The following NR1H4 variants were observed in gnomAD, a reference collection of about 807,000 sequenced individuals.
The protein encoded by NR1H4 is nuclear receptor subfamily 1 group H member 4, also known as bile acid receptor.
In NR1H4, 23 loss-of-function variants were observed where a neutral mutation model predicts 58.5. The observed-to-expected ratio is 0.39, with a 90% CI of 0.28 to 0.56. NR1H4 has a LOEUF of 0.56. Among genes scored for constraint, NR1H4 ranks in the 20% least tolerant of loss-of-function variants. NR1H4 has a pLI of 0.58. For missense variants in NR1H4, 487 were observed against 576.9 expected (o/e 0.84, Z 1.60); for synonymous variants, 214 against 198.0 (o/e 1.08, Z -0.68).
At chr12:100,509,560 CT>C (rs1331181342) in intron 3 of NR1H4, among the ~76,000 whole-genome samples, 9 of 152,114 alleles carry the variant, frequency 5.9e-5, no homozygotes, top group African/African-American at 2.2e-4. Flanking sequence ...TCATATAATC[CT>C]TACATCAACC....
At chr12:100,487,619 C>T (rs1405783985) in intron 1 of NR1H4, among the ~76,000 whole-genome samples, 7 of 118,026 alleles carry the variant, frequency 5.9e-5, no homozygotes, top group African/African-American at 1.8e-4. Context: ...TTTTTTGAGA[C>T]GAGTCTCACT....
At chr12:100,563,189 T>C in intron 10 of NR1H4, 62 bp from the exon 11 acceptor site, 2 of 1,257,358 alleles carry the variant, frequency 1.6e-6, no homozygotes, top group Non-Finnish European at 2.3e-6. Flanking sequence ...TTGCTATAAT[T>C]ATGCTGAATT....
chr12:100,558,398 A>C (rs548581734), intron 9 of NR1H4, among the ~76,000 whole-genome samples: 91 of 149,756 alleles, frequency 6.1e-4, no homozygotes, highest in African/African-American at 2.1e-3. Context: ...TCACTTTGTC[A>C]CACAGACTGG....
chr12:100,517,879 T>A (rs548049950), intron 4 of NR1H4, among the ~76,000 whole-genome samples: 1 of 152,318 alleles, frequency 6.6e-6, no homozygotes, highest in African/African-American at 2.4e-5. Flanking sequence ...AAACTATAGC[T>A]TATAATCTAA....
chr12:100,548,560 T>C (rs1955134247), intron 9 of NR1H4, among the ~76,000 whole-genome samples: 1 of 152,120 alleles, frequency 6.6e-6, no homozygotes, highest in African/African-American at 2.4e-5. Flanking sequence ...TAGCTTCGAA[T>C]CTTATCATTT....
chr12:100,506,132 G>T (rs1392433754), intron 3 of NR1H4, among the ~76,000 whole-genome samples: 5 of 151,970 alleles, frequency 3.3e-5, no homozygotes, highest in Non-Finnish European at 7.4e-5. Context: ...AAGACAGACT[G>T]TGTTAATAAT....
At chr12:100,545,039 G>A (rs1438990001) in intron 9 of NR1H4, among the ~76,000 whole-genome samples, 1 of 152,108 alleles carries the variant, frequency 6.6e-6, no homozygotes, top group East Asian at 1.9e-4. Flanking sequence ...GAAATGTTTT[G>A]ATGAGAGGGC....
At chr12:100,489,912 A>G (rs1953570760) in intron 1 of NR1H4, among the ~76,000 whole-genome samples, 1 of 152,090 alleles carries the variant, frequency 6.6e-6, no homozygotes, top group Non-Finnish European at 1.5e-5. Flanking sequence ...AACTATCTGG[A>G]TTCTAGAGAG....
chr12:100,547,077 T>C (rs1414935404), intron 9 of NR1H4, among the ~76,000 whole-genome samples: 2 of 152,152 alleles, frequency 1.3e-5, no homozygotes, highest in South Asian at 2.1e-4. Context: ...TGGAAAATTG[T>C]CTTGTACCTT....
chr12:100,491,169 C>A (rs1953597336), intron 1 of NR1H4, among the ~76,000 whole-genome samples: 1 of 152,080 alleles, frequency 6.6e-6, no homozygotes, highest in Non-Finnish European at 1.5e-5. Context: ...GACAACACCC[C>A]AGTTATTTCA....
chr12:100,556,242 T>C (rs994852066), intron 9 of NR1H4, among the ~76,000 whole-genome samples: 5 of 151,796 alleles, frequency 3.3e-5, no homozygotes, highest in African/African-American at 1.2e-4. Flanking sequence ...CTGAGGCGGG[T>C]GGATCACCTG....
chr12:100,528,361 C>G (rs1393945355), intron 4 of NR1H4, among the ~76,000 whole-genome samples: 1 of 150,750 alleles, frequency 6.6e-6, no homozygotes, highest in Non-Finnish European at 1.5e-5. Context: ...AGTGAGGCTC[C>G]ATCTGGGAAA....
chr12:100,519,760 T>C (rs1954365826), intron 4 of NR1H4, among the ~76,000 whole-genome samples: 1 of 152,142 alleles, frequency 6.6e-6, no homozygotes. Context: ...TATCCTAGGA[T>C]TCTGTCTGGG....
chr12:100,515,093 A>C (rs1050053024), intron 4 of NR1H4, among the ~76,000 whole-genome samples: 2 of 149,930 alleles, frequency 1.3e-5, no homozygotes, highest in Non-Finnish European at 3.0e-5. Flanking sequence ...GTTCATCCAG[A>C]GCTCCATTTG....
Position 100,510,943 on chromosome 12 carries a change from C to T in NR1H4, c.245C>T (p.Ser82Phe). Residue 82 changes from serine to phenylalanine, a missense_variant, in exon 4 of 11, where the codon TCT becomes TTT. Transcript: ENST00000392986. ...FYPQQPEEWYSPGIYELRRMP... is the reference protein window; with the variant it reads ...FYPQQPEEWYFPGIYELRRMP... Reference sequence around the variant, plus strand: ...CCCCAGCAGCCTGAAGAGTGGTACTCTCCTGGAATATATGAACTCAGGCGT... The same window carrying T: ...CCCCAGCAGCCTGAAGAGTGGTACTTTCCTGGAATATATGAACTCAGGCGT... The T allele has an allele frequency of 1.9e-6, 3 of 1,614,240 alleles. No homozygotes were observed. Among genetic ancestry groups the T allele is most frequent in the Non-Finnish European group, 2.5e-6 (3 of 1,180,040 alleles).
chr12:100,495,331 T>G (rs1372070457), intron 3 of NR1H4, among the ~76,000 whole-genome samples: 2 of 152,240 alleles, frequency 1.3e-5, no homozygotes, highest in African/African-American at 2.4e-5. Context: ...TCTGACCATG[T>G]GTGACCATTA....
chr12:100,488,279 C>T (rs1317819987), intron 1 of NR1H4, among the ~76,000 whole-genome samples: 2 of 152,176 alleles, frequency 1.3e-5, no homozygotes, highest in African/African-American at 2.4e-5. Flanking sequence ...GGATTACAGG[C>T]GTGAGCCACT....
At chr12:100,532,749 C>A in intron 5 of NR1H4, 139 bp downstream of exon 5, 2 of 739,092 alleles carry the variant, frequency 2.7e-6, no homozygotes, top group Non-Finnish European at 4.4e-6. Flanking sequence ...GGGTAATGAA[C>A]CACTGAAATT....
intron 4 of NR1H4, among the ~76,000 whole-genome samples, chr12:100,519,915 C>T (rs557326195): frequency 1.3e-5 from 2 of 152,134 alleles, no homozygotes; most frequent in Non-Finnish European, 2.9e-5. Context: ...TAAGCTCTGG[C>T]GTCTGAAAAG....
Sources: gnomAD v4.1 joint callset for allele counts (sites outside exome capture counted in the v4.1 genomes callset) on GRCh38, gnomAD v4.1.1 for gene constraint, MANE v1.5 for transcripts, NCBI Gene and HGNC (gene_info 2026-07-23, HGNC 2026-07-21) for gene names.